The following DGKI variants were observed in gnomAD, a reference collection of about 807,000 sequenced individuals.
DGKI encodes diacylglycerol kinase iota, also known as DAG kinase iota.
Under a neutral mutation model 147.5 loss-of-function variants are expected in DGKI, and 55 were observed. That is an observed-to-expected ratio of 0.37 (90% CI 0.30 to 0.47). The LOEUF (loss-of-function observed/expected upper bound fraction) is 0.47. Ranked by LOEUF, DGKI falls within the 20% of genes least tolerant of loss-of-function variation. The pLI, the probability that DGKI is intolerant of heterozygous loss-of-function variation, is 1.00. For synonymous variants in DGKI, 469 were observed against 477.1 expected (o/e 0.98, Z 0.22); for missense variants, 1,007 against 1,323.8 (o/e 0.76, Z 3.71).
chr7:137,424,618 G>A (rs967741308), intron 28 of DGKI, among the ~76,000 whole-genome samples: 2 of 152,188 alleles, frequency 1.3e-5, no homozygotes, highest in Non-Finnish European at 2.9e-5. Flanking sequence ...AGGGGTCAGG[G>A]AGTTCCCTTT....
intron 21 of DGKI, among the ~76,000 whole-genome samples, chr7:137,510,356 A>G (rs1057238229): frequency 6.6e-6 from 1 of 152,242 alleles, no homozygotes; most frequent in African/African-American, 2.4e-5. Flanking sequence ...GTTAAATGTG[A>G]TATAAGCTTT....
intron 20 of DGKI, among the ~76,000 whole-genome samples, chr7:137,528,984 C>A (rs1364343746): frequency 1.3e-5 from 2 of 152,100 alleles, no homozygotes; most frequent in Non-Finnish European, 2.9e-5. Flanking sequence ...CATTAACCAC[C>A]AAAGCTAGAT....
At chr7:137,625,745 A>T (rs1009146901) in intron 6 of DGKI, among the ~76,000 whole-genome samples, 1 of 114,076 alleles carries the variant, frequency 8.8e-6, no homozygotes, top group African/African-American at 6.1e-5. Context: ...ATTAAAATTA[A>T]AAAAAAAAAA....
rs1224470125 is a variant in DGKI, at chr7:137,552,410, T to C, written c.2106A>G (p.Val702=). 36 of 1,613,800 alleles carry C rather than the reference T, an allele frequency of 2.2e-5. No homozygotes were observed. Among genetic ancestry groups the C allele is most frequent in the Non-Finnish European group, 2.9e-5 (34 of 1,180,048 alleles). Residue 702 remains valine (V), a synonymous_variant, in exon 20 of 33, where the codon GTA becomes GTG. Coordinates refer to ENST00000614521, the MANE Select transcript of DGKI (RefSeq NM_001321708.2). ...RISLRNQANM[V]QKSKRRTSMP... is the part of the protein sequence containing the mutation. ...TGGATGTTCTCCTCTTGCTCTTCTGTACCATGTTGGCCTGATTCCTCAGGG... is the reference window on the plus strand; with the variant it reads ...TGGATGTTCTCCTCTTGCTCTTCTGCACCATGTTGGCCTGATTCCTCAGGG...
chr7:137,769,131 A>C (rs1796103778), intron 1 of DGKI, among the ~76,000 whole-genome samples: 1 of 152,220 alleles, frequency 6.6e-6, no homozygotes, highest in African/African-American at 2.4e-5. Context: ...GCCCTACTAC[A>C]TGATAATAAT....
chr7:137,566,693 A>G (rs1291575613), intron 19 of DGKI, among the ~76,000 whole-genome samples: 1 of 152,190 alleles, frequency 6.6e-6, no homozygotes, highest in Non-Finnish European at 1.5e-5. Flanking sequence ...ACCATCTGCG[A>G]TTATTTCTCT....
intron 1 of DGKI, among the ~76,000 whole-genome samples, chr7:137,825,116 T>C (rs1798017833): frequency 6.6e-6 from 1 of 152,218 alleles, no homozygotes; most frequent in African/African-American, 2.4e-5. Context: ...CTTTGAGGAA[T>C]TGCCACACTG....
intron 5 of DGKI, among the ~76,000 whole-genome samples, chr7:137,651,919 G>A (rs1254097407): frequency 6.6e-6 from 1 of 152,180 alleles, no homozygotes; most frequent in African/African-American, 2.4e-5. Context: ...TTAGCATATA[G>A]GAGATCATAG....
At chr7:137,753,696 T>A (rs1365749038) in intron 1 of DGKI, among the ~76,000 whole-genome samples, 1 of 152,124 alleles carries the variant, frequency 6.6e-6, no homozygotes, top group African/African-American at 2.4e-5. Context: ...ACATTCAAAA[T>A]CCAAGGTGGA....
At chr7:137,651,622 A>T (rs900971255) in intron 5 of DGKI, among the ~76,000 whole-genome samples, 16 of 152,220 alleles carry the variant, frequency 1.1e-4, no homozygotes, top group Admixed American at 7.9e-4. Context: ...GTCAGCCCAC[A>T]TGGTATTTGA....
intron 28 of DGKI, among the ~76,000 whole-genome samples, chr7:137,440,366 A>G (rs1404575515): frequency 1.3e-5 from 2 of 152,192 alleles, no homozygotes; most frequent in Non-Finnish European, 2.9e-5. Flanking sequence ...ACAGGGACAA[A>G]TCATTACCAG....
intron 1 of DGKI, among the ~76,000 whole-genome samples, chr7:137,723,453 T>C (rs949357866): frequency 6.6e-6 from 1 of 152,208 alleles, no homozygotes; most frequent in African/African-American, 2.4e-5. Context: ...CTGACGTTGC[T>C]ATTCAGTCAG....
At chr7:137,535,092 C>T (rs145802934) in intron 20 of DGKI, among the ~76,000 whole-genome samples, 1 of 152,206 alleles carries the variant, frequency 6.6e-6, no homozygotes, top group South Asian at 2.1e-4. Flanking sequence ...AAATAAATTT[C>T]TGTTGTTTTA....
Position 137,618,151 on chromosome 7 carries a change from A to ATATATATTTT in DGKI, c.993+1672_993+1673insAAAATATATA. 5.4e-3 allele frequency among the ~76,000 whole-genome samples: 56 copies of ATATATATTTT among 10,462 alleles called. 6 individuals carry two copies. Among genetic ancestry groups the ATATATATTTT allele is most frequent in the Non-Finnish European group, 0.015 (25 of 1,650 alleles). The allele number at this position is 10,462 out of a possible 152,430, so 6.9% of individuals were successfully genotyped here. A position where few individuals can be genotyped will look rare whatever the true frequency, so the allele number is the denominator to read the frequency against. On this transcript the variant is annotated intron_variant, in intron 8 of 32. Coordinates refer to ENST00000614521, the MANE Select transcript of DGKI (RefSeq NM_001321708.2). The stretch of plus-strand genomic sequence containing the variant: ...ACTATATATATATATATATATATAT[A>ATATATATTTT]TTTTTTTTTTTTTACTCTATCATTC...
chr7:137,394,300 T>C (rs1170333082), intron 32 of DGKI, among the ~76,000 whole-genome samples: 1 of 152,218 alleles, frequency 6.6e-6, no homozygotes, highest in Non-Finnish European at 1.5e-5. Flanking sequence ...TGATTTTTAT[T>C]TTTTCAGTTC....
At chr7:137,817,266 G>C in intron 1 of DGKI, among the ~76,000 whole-genome samples, 1 of 152,168 alleles carries the variant, frequency 6.6e-6, no homozygotes, top group African/African-American at 2.4e-5. Flanking sequence ...AGTTCAAAGT[G>C]TCTCATTGTC....
At chr7:137,773,430 T>C (rs1418804418) in intron 1 of DGKI, among the ~76,000 whole-genome samples, 1 of 152,082 alleles carries the variant, frequency 6.6e-6, no homozygotes, top group Non-Finnish European at 1.5e-5. Flanking sequence ...GGTATTCTGA[T>C]CCCCAGGAAA....
chr7:137,836,048 C>G (rs1798371568), intron 1 of DGKI, among the ~76,000 whole-genome samples: 1 of 152,126 alleles, frequency 6.6e-6, no homozygotes, highest in East Asian at 1.9e-4. Context: ...AAATGGTAAG[C>G]TGTGAAAGCA....
intron 10 of DGKI, among the ~76,000 whole-genome samples, chr7:137,602,792 G>T (rs576637303): frequency 6.6e-6 from 1 of 152,006 alleles, no homozygotes; most frequent in South Asian, 2.1e-4. Context: ...TTAGACATCT[G>T]TCACTTACTA....
Sources: gnomAD v4.1 joint callset for allele counts (sites outside exome capture counted in the v4.1 genomes callset) on GRCh38, gnomAD v4.1.1 for gene constraint, MANE v1.5 for transcripts, NCBI Gene and HGNC (gene_info 2026-07-23, HGNC 2026-07-21) for gene names.